NME7: variants seen among roughly 807,000 people sequenced by gnomAD.
NME7 encodes nucleoside diphosphate kinase 7.
In NME7, 41 loss-of-function variants were observed where a neutral mutation model predicts 49.1. The observed-to-expected ratio is 0.83, with a 90% CI of 0.65 to 1.08. The LOEUF is 1.08. Ranked by LOEUF, NME7 falls within the 50% of genes least tolerant of loss-of-function variation. The pLI, the probability that NME7 is intolerant of heterozygous loss-of-function variation, is 0.00. For missense variants in NME7, 423 were observed against 463.4 expected (o/e 0.91, Z 0.80); for synonymous variants, 139 against 150.6 (o/e 0.92, Z 0.56).
chr1:169,264,680 C>T (rs1026785091), intron 7 of NME7, among the ~76,000 whole-genome samples: 1 of 132,760 alleles, frequency 7.5e-6, no homozygotes, highest in East Asian at 2.0e-4. Context: ...ACATCAACAC[C>T]CTACTGACAG....
At chr1:169,197,561 T>C (rs1238244668) in intron 10 of NME7, among the ~76,000 whole-genome samples, 1 of 152,092 alleles carries the variant, frequency 6.6e-6, no homozygotes, top group Admixed American at 6.6e-5. Flanking sequence ...AATATATACA[T>C]CCACTTTCAA....
chr1:169,280,507 T>C (rs1267986911), intron 7 of NME7, among the ~76,000 whole-genome samples: 1 of 148,696 alleles, frequency 6.7e-6, no homozygotes, highest in Non-Finnish European at 1.5e-5. Flanking sequence ...TTGCTTTTGG[T>C]GTTTTAGACA....
chr1:169,228,969 C>A (rs1015204717), intron 10 of NME7, among the ~76,000 whole-genome samples: 2 of 152,160 alleles, frequency 1.3e-5, no homozygotes, highest in African/African-American at 4.8e-5. Flanking sequence ...GGAGGTCCTG[C>A]CGACTTTCTC....
chr1:169,313,613 A>G (rs1337537874), intron 3 of NME7, among the ~76,000 whole-genome samples: 1 of 152,178 alleles, frequency 6.6e-6, no homozygotes, highest in Non-Finnish European at 1.5e-5. Context: ...TATATTATTT[A>G]CATATATGCA....
chr1:169,287,639 AAT>A (rs1389444785), intron 6 of NME7, among the ~76,000 whole-genome samples: 4 of 152,180 alleles, frequency 2.6e-5, no homozygotes, highest in Non-Finnish European at 4.4e-5. Flanking sequence ...AAGCAATGAG[AAT>A]ATGTGTCATT....
intron 10 of NME7, among the ~76,000 whole-genome samples, chr1:169,182,185 A>AAAAAAAAAAAACAAC (rs1285733861): frequency 6.7e-6 from 1 of 149,038 alleles, no homozygotes; most frequent in African/African-American, 2.5e-5. Context: ...AAAAAAAAAA[A>AAAAAAAAAAAACAAC]AAAACAACTC....
chr1:169,253,808 C>T (rs1338877414), intron 7 of NME7, among the ~76,000 whole-genome samples: 1 of 151,418 alleles, frequency 6.6e-6, no homozygotes, highest in Admixed American at 6.6e-5. Flanking sequence ...TTTTCTGCAT[C>T]TATTGAGATA....
chr1:169,209,873 C>T (rs10800414), intron 10 of NME7, among the ~76,000 whole-genome samples: 93,022 of 151,886 alleles, frequency 0.61, 28,824 homozygotes, highest in East Asian at 0.92. Flanking sequence ...CCTCTACAGG[C>T]TTCAGAATAA....
intron 10 of NME7, among the ~76,000 whole-genome samples, chr1:169,186,004 C>A (rs751700039): frequency 7.2e-5 from 11 of 151,990 alleles, no homozygotes; most frequent in Non-Finnish European, 1.2e-4. Flanking sequence ...TCTGAGCATT[C>A]AAAAACTATA....
At position 169,159,666 on chromosome 1, in the gene NME7, C is replaced by A. The variant is rs1320021283; in HGVS notation, c.1098+9781G>T. ...ATAGGCCTCTTAGCCTTAAATGAAA[C>A]TTGGATATCCCCTAAGGGCATCAAT... is the stretch of plus-strand genomic sequence containing the variant. On this transcript the variant is annotated intron_variant, in intron 11 of 11. Coordinates refer to ENST00000367811, the MANE Select transcript of NME7 (RefSeq NM_013330.5). Among the ~76,000 whole-genome samples, 14 of 152,292 alleles carry A rather than the reference C, an allele frequency of 9.2e-5. 1 individual carries two copies. Among genetic ancestry groups the A allele is most frequent in the Non-Finnish European group, 1.9e-4 (13 of 68,028 alleles).
chr1:169,324,983 TTAG>T (rs1470659295), intron 1 of NME7, among the ~76,000 whole-genome samples: 2 of 152,128 alleles, frequency 1.3e-5, no homozygotes, highest in African/African-American at 4.8e-5. Context: ...TTTTTTTTCC[TTAG>T]TAATTTCATA....
intron 7 of NME7, among the ~76,000 whole-genome samples, chr1:169,266,737 A>G (rs1649330438): frequency 7.5e-6 from 1 of 133,460 alleles, no homozygotes; most frequent in Admixed American, 7.4e-5. Flanking sequence ...TGAGATGACA[A>G]GCAACTTCAG....
intron 10 of NME7, among the ~76,000 whole-genome samples, chr1:169,212,599 CTTT>C (rs71121740): frequency 2.6e-5 from 3 of 116,418 alleles, no homozygotes; most frequent in African/African-American, 3.2e-5. Flanking sequence ...AACAAATGTC[CTTT>C]TTTTTTTTTT....
chr1:169,211,747 T>C (rs1660826872), intron 10 of NME7, among the ~76,000 whole-genome samples: 1 of 152,140 alleles, frequency 6.6e-6, no homozygotes, highest in African/African-American at 2.4e-5. Flanking sequence ...AATCTTCATT[T>C]AAAAAATTTA....
At position 169,278,307 on chromosome 1, in the gene NME7, G is replaced by A. The variant is rs201787679; in HGVS notation, c.754+8996C>T. On this transcript the variant is annotated intron_variant, in intron 7 of 11. Transcript: ENST00000367811. ...TTTCCAACTTGGTTCCATTCTCCCC[G>A]TCACTTTCAGGTACACCAATCAGAC... Among the ~76,000 whole-genome samples, 824 of 151,396 alleles carry A rather than the reference G, an allele frequency of 5.4e-3. 25 individuals carry two copies. In the South Asian group the frequency reaches 0.059, roughly 11 times the overall value.
intron 6 of NME7, among the ~76,000 whole-genome samples, chr1:169,297,046 T>A (rs1280053690): frequency 2.0e-5 from 3 of 151,866 alleles, no homozygotes; most frequent in African/African-American, 7.3e-5. Flanking sequence ...TGATCTCAGT[T>A]CACTGCAACC....
At chr1:169,159,061 C>T (rs1380154125) in intron 11 of NME7, among the ~76,000 whole-genome samples, 2 of 152,242 alleles carry the variant, frequency 1.3e-5, no homozygotes, top group African/African-American at 2.4e-5. Context: ...AAAGGGGCGG[C>T]CACAGTACTA....
intron 7 of NME7, among the ~76,000 whole-genome samples, chr1:169,247,655 G>T (rs559145480): frequency 1.3e-5 from 2 of 152,102 alleles, no homozygotes; most frequent in East Asian, 3.9e-4. Flanking sequence ...CCTCTTCTGA[G>T]TCGCCAAAGT....
In NME7 at chr1:169,261,782, T is replaced by C. The variant is rs1649169176; in HGVS notation, c.755-24095A>G. Among the ~76,000 whole-genome samples, 2 of 133,728 alleles carry C rather than the reference T, an allele frequency of 1.5e-5. 1 individual carries two copies. Among genetic ancestry groups the C allele is most frequent in the South Asian group, 4.6e-4 (2 of 4,338 alleles). The allele number at this position is 133,728 out of a possible 152,430, so 87.7% of individuals were successfully genotyped here. ...GGATTCTTTTAAAAATGCATATTCT[T>C]GGGCTCTACTCCAGATATACTGAAA... On this transcript the variant is annotated intron_variant, in intron 7 of 11. Transcript: ENST00000367811.
Sources: gnomAD v4.1 joint callset for allele counts (sites outside exome capture counted in the v4.1 genomes callset) on GRCh38, gnomAD v4.1.1 for gene constraint, MANE v1.5 for transcripts, NCBI Gene and HGNC (gene_info 2026-07-23, HGNC 2026-07-21) for gene names.